EFCAB7: variants seen among roughly 807,000 people sequenced by gnomAD.
EFCAB7 encodes EF-hand calcium-binding domain-containing protein 7.
Under a neutral mutation model 77.1 loss-of-function variants are expected in EFCAB7, and 66 were observed. The observed-to-expected ratio is 0.86, with a 90% CI of 0.70 to 1.05. The LOEUF is 1.05. Ranked by LOEUF, EFCAB7 falls within the 50% of genes least tolerant of loss-of-function variation. The pLI, the probability that EFCAB7 is intolerant of heterozygous loss-of-function variation, is 0.00. For synonymous variants in EFCAB7, 225 were observed against 243.3 expected (o/e 0.92, Z 0.70); for missense variants, 638 against 730.5 (o/e 0.87, Z 1.46).
At chr1:63,581,402 A>T in the EFCAB7 span, among the ~76,000 whole-genome samples, 1 of 151,622 alleles carries the variant, frequency 6.6e-6, no homozygotes, top group African/African-American at 2.4e-5. Context: ...AAAAAAAAAA[A>T]AAAGGGTGGA....
intron 10 of EFCAB7, among the ~76,000 whole-genome samples, chr1:63,559,840 T>A (rs980317253): frequency 2.6e-5 from 4 of 152,244 alleles, no homozygotes; most frequent in African/African-American, 9.6e-5. Context: ...AATATATTTA[T>A]GTCGGTCTAT....
chr1:63,533,298 G>A (rs1646722579), intron 4 of EFCAB7, among the ~76,000 whole-genome samples, 156 bp from the exon 5 acceptor site: 1 of 152,020 alleles, frequency 6.6e-6, no homozygotes, highest in African/African-American at 2.4e-5. Context: ...ACTTGAGGCT[G>A]GTCAATCTGA....
intron 2 of EFCAB7, chr1:63,527,919 A>T (rs1188262886): frequency 6.6e-6 from 1 of 152,186 alleles, no homozygotes; most frequent in Non-Finnish European, 1.5e-5. Flanking sequence ...ATTTTCTTTC[A>T]TGTGGACTTC....
In EFCAB7 at chr1:63,568,307, C is replaced by A; in HGVS notation, c.1498-3C>A. The A allele has an allele frequency of 6.3e-7, 1 of 1,589,198 alleles. No individual in the cohort carries two copies. The highest frequency in any genetic ancestry group is 1.2e-5 in the South Asian group (1 of 86,050). ...CTGAAACAAGATTTTTTTTTCCTAT[C>A]AGGCATGTCCATTTGTCATTGATAT... On this transcript the variant is annotated splice_polypyrimidine_tract_variant and splice_region_variant and intron_variant, in intron 11 of 13. Coordinates refer to ENST00000371088, the MANE Select transcript of EFCAB7 (RefSeq NM_032437.4).
chr1:63,568,291 GA>G lies in EFCAB7; in HGVS notation c.1498-18del. 1 of 1,571,504 alleles carries G rather than the reference GA, an allele frequency of 6.4e-7. No homozygotes were observed. Among genetic ancestry groups the G allele is most frequent in the Non-Finnish European group, 8.6e-7 (1 of 1,158,684 alleles). ...AAATTCTATCAAAAGGCTGAAACAA[GA>G]TTTTTTTTTCCTATCAGGCATGTCC... On this transcript the variant is annotated intron_variant, in intron 11 of 13. Transcript: ENST00000371088.
At chr1:63,545,583 C>T (rs1294807552) in intron 6 of EFCAB7, among the ~76,000 whole-genome samples, 1 of 152,174 alleles carries the variant, frequency 6.6e-6, no homozygotes, top group Admixed American at 6.5e-5. Context: ...TCTCCTGCCT[C>T]AGTCTCCTGA....
chr1:63,560,078 G>A (rs984118877), intron 10 of EFCAB7, among the ~76,000 whole-genome samples: 25 of 151,354 alleles, frequency 1.7e-4, no homozygotes, highest in Non-Finnish European at 2.1e-4. Flanking sequence ...TCAGCCTCCC[G>A]AGTAGCTGGG....
the EFCAB7 span, among the ~76,000 whole-genome samples, chr1:63,584,178 T>C: frequency 1.3e-5 from 2 of 152,120 alleles, no homozygotes; most frequent in Non-Finnish European, 1.5e-5. Flanking sequence ...TTTTGCAACA[T>C]GGAAACTAAA....
Position 63,572,532 on chromosome 1 carries a change from A to G in EFCAB7, c.*16A>G. The G allele has an allele frequency of 7.1e-7, 1 of 1,410,918 alleles. No individual in the cohort carries two copies. Among genetic ancestry groups the G allele is most frequent in the Non-Finnish European group, 9.5e-7 (1 of 1,051,360 alleles). 87.4% of individuals were successfully genotyped at this position (1,410,918 alleles called of 1,614,324 possible). A position where few individuals can be genotyped will look rare whatever the true frequency, so the allele number is the denominator to read the frequency against. On this transcript the variant is annotated 3_prime_UTR_variant, in exon 14 of 14. Transcript: ENST00000371088. ...TATTTCTTAAATAATTATACTTAGA[A>G]CTTACCAAACTAAGAATTATTTCAG...
rs143861558 is a variant in EFCAB7 at position 63,532,025 on chromosome 1, A to G, written c.393A>G (p.Leu131=). The change falls in exon 3 of 14, where the codon CTA becomes CTG. Residue 131 remains leucine, a synonymous_variant. Transcript: ENST00000371088. ...TACACACTGACCTTTATAAATTTCT[A>G]ACAAAGGTAAGATCTGTAAAACTGT... ...CILHTDLYKF[L]TKRGEKMTRE... 355 of 1,605,998 alleles carry G rather than the reference A, an allele frequency of 2.2e-4. No homozygotes were observed. Among genetic ancestry groups the G allele is most frequent in the Non-Finnish European group, 2.9e-4 (341 of 1,175,024 alleles).
chr1:63,529,037 G>A (rs946456371), intron 2 of EFCAB7: 5 of 152,034 alleles, frequency 3.3e-5, no homozygotes, highest in Non-Finnish European at 7.4e-5. Flanking sequence ...GGCTGGGGTT[G>A]GAATCCTAAA....
rs532127717 is a variant in EFCAB7, at chr1:63,561,689, A to G, written c.1349-20A>G. The G allele has an allele frequency of 1.3e-5, 20 of 1,533,210 alleles. No homozygotes were observed. The Admixed American group carries it at 3.7e-4, about 29-fold the overall frequency. The allele number at this position is 1,533,210 out of a possible 1,614,324, so 95.0% of individuals were successfully genotyped here. A position where few individuals can be genotyped will look rare whatever the true frequency, so the allele number is the denominator to read the frequency against. ...GAATTTTTAAATTATGTAAGAAAAA[A>G]CTTTTGGTTGTTTAAACAGAGAATT... On this transcript the variant is annotated intron_variant, in intron 10 of 13. Coordinates refer to ENST00000371088, the MANE Select transcript of EFCAB7 (RefSeq NM_032437.4).
At chr1:63,531,762 C>T (rs546891629) in intron 2 of EFCAB7, 58 bp from the exon 3 acceptor site, 105 of 1,436,988 alleles carry the variant, frequency 7.3e-5, no homozygotes, top group East Asian at 1.6e-4. Flanking sequence ...GAAAAAAATG[C>T]GCTTAAGTAC....
chr1:63,573,996 C>T (rs1219396296), downstream of EFCAB7, among the ~76,000 whole-genome samples: 1 of 152,194 alleles, frequency 6.6e-6, no homozygotes, highest in African/African-American at 2.4e-5. Context: ...GGAATTATGT[C>T]TGACAGAAGC....
intron 8 of EFCAB7, 104 bp from the exon 9 acceptor site, chr1:63,555,254 A>C (rs1180477629): frequency 7.8e-7 from 1 of 1,285,600 alleles, no homozygotes; most frequent in Non-Finnish European, 1.1e-6. Flanking sequence ...TGATTTAAAA[A>C]TCATTTCTAA....
At chr1:63,527,566 C>CA (rs1557668036) in intron 2 of EFCAB7, among the ~76,000 whole-genome samples, 1 of 152,072 alleles carries the variant, frequency 6.6e-6, no homozygotes, top group Non-Finnish European at 1.5e-5. Flanking sequence ...TAAACCCTGG[C>CA]AAAAGATCCA....
downstream of EFCAB7, among the ~76,000 whole-genome samples, chr1:63,574,032 T>C (rs759227340): frequency 2.6e-5 from 4 of 152,192 alleles, no homozygotes; most frequent in Non-Finnish European, 4.4e-5. Context: ...GTGGCCTTCT[T>C]AGACCCTGTG....
intron 11 of EFCAB7, among the ~76,000 whole-genome samples, chr1:63,563,433 G>A (rs575319047): frequency 2.1e-3 from 315 of 152,292 alleles, no homozygotes; most frequent in Middle Eastern, 3.4e-3. Flanking sequence ...ACAGTCTCTC[G>A]GCTAAGAGCA....
rs1459681440 is a variant in EFCAB7, at chr1:63,538,131, G to A, written c.804+3915G>A. The stretch of plus-strand genomic sequence containing the variant: ...GCACTTATATGAATTTACCTGAATT[G>A]GTAGAATACAGCACCACCTCATGCC... On this transcript the variant is annotated intron_variant, in intron 6 of 13. Coordinates refer to ENST00000371088, the MANE Select transcript of EFCAB7 (RefSeq NM_032437.4). Among the ~76,000 whole-genome samples the A allele has an allele frequency of 2.6e-5, 4 of 152,098 alleles. No homozygotes were observed. The East Asian group carries it at 7.7e-4, about 29-fold the overall frequency.
Sources: gnomAD v4.1 joint callset for allele counts (sites outside exome capture counted in the v4.1 genomes callset) on GRCh38, gnomAD v4.1.1 for gene constraint, MANE v1.5 for transcripts, NCBI Gene and HGNC (gene_info 2026-07-23, HGNC 2026-07-21) for gene names.